The following SLC4A4 variants were observed in gnomAD, a reference collection of about 807,000 sequenced individuals.
The protein encoded by SLC4A4 is solute carrier family 4 member 4.
Under a neutral mutation model 111.5 loss-of-function variants are expected in SLC4A4, and 27 were observed. The ratio of observed to expected loss-of-function variants is 0.24; its 90% CI spans 0.18 to 0.33. The LOEUF is 0.33. Among genes scored for constraint, SLC4A4 ranks in the 10% least tolerant of loss-of-function variants. The pLI, the probability that SLC4A4 is intolerant of heterozygous loss-of-function variation, is 1.00. For missense variants in SLC4A4, 909 were observed against 1,315.5 expected (o/e 0.69, Z 4.78); for synonymous variants, 443 against 463.4 (o/e 0.96, Z 0.57).
chr4:71,114,489 G>GA (rs1289522155), intron 2 of SLC4A4, among the ~76,000 whole-genome samples: 1 of 129,464 alleles, frequency 7.7e-6, no homozygotes, highest in Non-Finnish European at 1.7e-5. Flanking sequence ...AAATTTACAA[G>GA]AAAAAAACAA....
intron 18 of SLC4A4, among the ~76,000 whole-genome samples, chr4:71,541,394 T>C (rs553549657): frequency 6.6e-6 from 1 of 152,178 alleles, no homozygotes; most frequent in African/African-American, 2.4e-5. Context: ...AAGGGGAATT[T>C]GCATGGAGCA....
Position 71,486,968 on chromosome 4 carries a change from G to A in SLC4A4, c.1924G>A (p.Asp642Asn). The change falls in exon 15 of 26, where the codon GAC becomes AAC. Residue 642 changes from aspartate to asparagine, a missense_variant. Physicochemically the swap from Asp to Asn is conservative, Grantham distance 23. This residue lies in a region of SLC4A4 where 264 missense variants were observed against 356.8 expected (regional missense o/e 0.74). Transcript: ENST00000264485. ...PDPANISISN[D>N]TTLAPEYLPT... The stretch of plus-strand genomic sequence containing the variant: ...TACAGCTAATATCTCAATATCTAAT[G>A]ACACCACACTGGCCCCAGAGTATTT... The A allele has an allele frequency of 1.2e-6, 2 of 1,600,898 alleles. No individual in the cohort carries two copies. The highest frequency in any genetic ancestry group is 1.7e-6 in the Non-Finnish European group (2 of 1,170,330).
At chr4:71,451,964 A>G (rs1725800925) in intron 11 of SLC4A4, among the ~76,000 whole-genome samples, 1 of 152,172 alleles carries the variant, frequency 6.6e-6, no homozygotes, top group Non-Finnish European at 1.5e-5. Context: ...GGTTTCCTAA[A>G]TTGCTTCAGC....
chr4:71,263,963 G>T (rs1421872880), intron 3 of SLC4A4, among the ~76,000 whole-genome samples: 1 of 152,098 alleles, frequency 6.6e-6, no homozygotes, highest in Non-Finnish European at 1.5e-5. Context: ...TTTATTTAGG[G>T]TTCATATTCC....
intron 1 of SLC4A4, among the ~76,000 whole-genome samples, chr4:71,190,295 G>A (rs1319919017): frequency 6.6e-6 from 1 of 151,832 alleles, no homozygotes; most frequent in African/African-American, 2.4e-5. Context: ...ACATGAAGAT[G>A]ATCTTTTTAT....
In SLC4A4 at chr4:71,557,881, T is replaced by G; in HGVS notation, c.2933T>G (p.Val978Gly). The G allele has an allele frequency of 6.2e-7, 1 of 1,610,588 alleles. No individual in the cohort carries two copies. The highest frequency in any genetic ancestry group is 8.5e-7 in the Non-Finnish European group (1 of 1,177,416). Residue 978 changes from valine to glycine, a missense_variant, in exon 22 of 26, where the codon GTA becomes GGA. This residue lies in a region of SLC4A4 where 104 missense variants were observed against 219.5 expected (regional missense o/e 0.47). Transcript: ENST00000264485. ...ACGGTGGCTGCTATCATTTTTCCAG[T>G]AATGGTAGGGATTCCTTTAATTGAA... ...KSTVAAIIFPVMILALVAVRK... is the reference protein window; with the variant it reads ...KSTVAAIIFPGMILALVAVRK...
intron 24 of SLC4A4, 95 bp downstream of exon 24, chr4:71,563,984 A>G (rs1273264872): frequency 2.4e-6 from 2 of 843,970 alleles, no homozygotes; most frequent in Non-Finnish European, 4.1e-6. Context: ...ACTTTCCCTC[A>G]ATTTTGTTTT....
chr4:71,555,354 G>T, intron 21 of SLC4A4, 146 bp downstream of exon 21: 1 of 726,756 alleles, frequency 1.4e-6, no homozygotes. Context: ...CCATTCACCT[G>T]CTTTTCATTT....
chr4:71,313,181 G>A (rs1726351912), intron 3 of SLC4A4, among the ~76,000 whole-genome samples: 1 of 152,128 alleles, frequency 6.6e-6, no homozygotes, highest in Non-Finnish European at 1.5e-5. Context: ...ATTCACAATT[G>A]CTACAAAGAG....
chr4:71,543,053 C>T (rs548724327), intron 18 of SLC4A4, among the ~76,000 whole-genome samples: 1 of 152,184 alleles, frequency 6.6e-6, no homozygotes, highest in African/African-American at 2.4e-5. Context: ...CACAATGTGA[C>T]ACCGCAAATG....
intron 2 of SLC4A4, 89 bp from the exon 3 acceptor site, chr4:71,255,131 C>G: frequency 8.3e-7 from 1 of 1,206,692 alleles, no homozygotes; most frequent in Non-Finnish European, 1.2e-6. Flanking sequence ...AATTTATAGA[C>G]ATTTTCTTCT....
At chr4:71,451,001 A>G (rs1229519386) in intron 10 of SLC4A4, among the ~76,000 whole-genome samples, 187 bp from the exon 11 acceptor site, 1 of 152,170 alleles carries the variant, frequency 6.6e-6, no homozygotes, top group East Asian at 1.9e-4. Context: ...TTTCCTATTC[A>G]TCCAGTCATT....
rs944449847 is a variant in SLC4A4 at position 71,080,928 on chromosome 4, A to G, written c.-64-11802A>G. On this transcript the variant is annotated intron_variant, in intron 1 of 26. Transcript: ENST00000649996. ...AGATATTCTTATCACAAAATACATAAGTGGAAATATTTAATCAGCTGCAGT... is the reference window on the plus strand; with the variant it reads ...AGATATTCTTATCACAAAATACATAGGTGGAAATATTTAATCAGCTGCAGT... 2.0e-5 allele frequency among the ~76,000 whole-genome samples: 3 copies of G among 152,244 alleles called. No homozygotes were observed. In the East Asian group the frequency reaches 5.8e-4, roughly 29 times the overall value.
At chr4:71,531,115 G>A (rs16846516) in intron 16 of SLC4A4, among the ~76,000 whole-genome samples, 4,781 of 152,170 alleles carry the variant, frequency 0.031, 275 homozygotes, top group African/African-American at 0.11. Context: ...TGTATGCACC[G>A]TATGGGAAGC....
chr4:71,107,927 C>T (rs1038460624), intron 2 of SLC4A4, among the ~76,000 whole-genome samples: 1 of 152,026 alleles, frequency 6.6e-6, no homozygotes, highest in African/African-American at 2.4e-5. Flanking sequence ...CTTCTCATTT[C>T]CTTTTGCATA....
chr4:71,142,103 G>T (rs1744013725), intron 2 of SLC4A4, among the ~76,000 whole-genome samples: 1 of 152,160 alleles, frequency 6.6e-6, no homozygotes, highest in African/African-American at 2.4e-5. Flanking sequence ...AATCAAAGAG[G>T]AGTAAGAAAA....
At chr4:71,241,832 A>G (rs1720253114) in intron 2 of SLC4A4, among the ~76,000 whole-genome samples, 1 of 152,194 alleles carries the variant, frequency 6.6e-6, no homozygotes, top group Admixed American at 6.5e-5. Context: ...TGGTACTTGA[A>G]TAGTAACATA....
chr4:71,202,730 T>C (rs372582896), intron 1 of SLC4A4, among the ~76,000 whole-genome samples: 33 of 152,330 alleles, frequency 2.2e-4, no homozygotes, highest in South Asian at 4.1e-4. Context: ...AGAAATGAGA[T>C]TGTTAGAAAT....
intron 3 of SLC4A4, among the ~76,000 whole-genome samples, chr4:71,296,898 A>G (rs140916942): frequency 5.9e-5 from 9 of 152,358 alleles, no homozygotes; most frequent in African/African-American, 2.2e-4. Context: ...TTCATTGGAT[A>G]TTAGTTCGTT....
Sources: gnomAD v4.1 joint callset for allele counts (sites outside exome capture counted in the v4.1 genomes callset) on GRCh38, gnomAD v4.1.1 for gene constraint, gnomAD v4.1.1 regional missense constraint, MANE v1.5 for transcripts, NCBI Gene and HGNC (gene_info 2026-07-23, HGNC 2026-07-21) for gene names.